The following HSD17B3 variants were observed in gnomAD, a reference collection of about 807,000 sequenced individuals.
HSD17B3 encodes 17-beta-hydroxysteroid dehydrogenase type 3.
Under a neutral mutation model 41.1 loss-of-function variants are expected in HSD17B3, and 29 were observed. The observed-to-expected ratio is 0.71, with a 90% CI of 0.53 to 0.96. HSD17B3 has a LOEUF of 0.96. Ranked by LOEUF, HSD17B3 falls within the 40% of genes least tolerant of loss-of-function variation. The probability of loss-of-function intolerance (pLI) is 0.00; values close to 1 mark genes in which losing one functional copy is unlikely to be tolerated. For synonymous variants in HSD17B3, 126 were observed against 145.6 expected (o/e 0.87, Z 0.97); for missense variants, 323 against 374.6 (o/e 0.86, Z 1.14).
At chr9:96,256,626 G>A (rs911404622) in intron 2 of HSD17B3, among the ~76,000 whole-genome samples, 1 of 152,008 alleles carries the variant, frequency 6.6e-6, no homozygotes, top group Non-Finnish European at 1.5e-5. Flanking sequence ...AGCTGAGATC[G>A]TGCCACTGTA....
intron 2 of HSD17B3, among the ~76,000 whole-genome samples, chr9:96,264,720 T>G (rs1471102086): frequency 2.0e-5 from 3 of 152,206 alleles, no homozygotes; most frequent in Non-Finnish European, 4.4e-5. Context: ...TTGATGGAAG[T>G]AGTATATATG....
chr9:96,235,355 C>T lies in HSD17B3; in HGVS notation c.*105G>A. The T allele has an allele frequency of 5.0e-6, 4 of 794,900 alleles. No individual in the cohort carries two copies. The highest frequency in any genetic ancestry group is 2.7e-5 in the East Asian group (1 of 37,600). 49.2% of individuals were successfully genotyped at this position (794,900 alleles called of 1,614,324 possible). On this transcript the variant is annotated 3_prime_UTR_variant, in exon 11 of 11. Coordinates refer to ENST00000375263, the MANE Select transcript of HSD17B3 (RefSeq NM_000197.2). ...TATGCCTCTGTGACCCCAGCCCCCT[C>T]CATCTTCAGCGGACTAGGTTGAAGT...
chr9:96,249,867 T>C (rs1418655312), intron 5 of HSD17B3, 81 bp from the exon 6 acceptor site: 3 of 1,611,798 alleles, frequency 1.9e-6, no homozygotes, highest in East Asian at 4.5e-5. Flanking sequence ...TAAAGAACCA[T>C]GAAGTGGGCA....
intron 5 of HSD17B3, chr9:96,250,344 T>C (rs1361577202): frequency 9.3e-7 from 1 of 1,076,200 alleles, no homozygotes; most frequent in Non-Finnish European, 1.1e-6. Flanking sequence ...AGAAACAGAG[T>C]GTGGGAGACA....
chr9:96,281,211 C>G (rs1300389059), intron 2 of HSD17B3, among the ~76,000 whole-genome samples: 1 of 152,058 alleles, frequency 6.6e-6, no homozygotes, highest in African/African-American at 2.4e-5. Context: ...TTCCCAAAGC[C>G]TAACTTTGGG....
intron 1 of HSD17B3, among the ~76,000 whole-genome samples, chr9:96,301,333 G>A (rs549013668): frequency 1.5e-4 from 22 of 147,866 alleles, no homozygotes; most frequent in South Asian, 8.6e-4. Flanking sequence ...CATCCCAGCC[G>A]TTGGGGAGGC....
At chr9:96,238,433 A>C (rs1309546291) in intron 10 of HSD17B3, among the ~76,000 whole-genome samples, 3 of 152,114 alleles carry the variant, frequency 2.0e-5, no homozygotes, top group African/African-American at 7.2e-5. Context: ...AGGTCAAGGC[A>C]GGCAGATCAC....
rs769826440 is a variant in HSD17B3 at position 96,247,975 on chromosome 9, T to C, written c.490-1385A>G. 1.7e-4 allele frequency among the ~76,000 whole-genome samples: 26 copies of C among 152,354 alleles called. No homozygotes were observed. The Middle Eastern group carries it at 0.01, about 60-fold the overall frequency. On this transcript the variant is annotated intron_variant, in intron 6 of 10. Coordinates refer to ENST00000375263, the MANE Select transcript of HSD17B3 (RefSeq NM_000197.2). The stretch of plus-strand genomic sequence containing the variant: ...GCGTGGTATACTTAGAAGCTAAACT[T>C]CAATTTATTTTATTTCATACTTAGG...
At position 96,252,655 on chromosome 9, in the gene HSD17B3, G is replaced by A. The variant is rs35920604; in HGVS notation, c.385+148C>T. The A allele has an allele frequency of 6.4e-4, 435 of 675,216 alleles. 3 individuals carry two copies. The highest frequency in any genetic ancestry group is 5.5e-3 in the Middle Eastern group (14 of 2,548). 41.8% of individuals were successfully genotyped at this position (675,216 alleles called of 1,614,324 possible). A position where few individuals can be genotyped will look rare whatever the true frequency, so the allele number is the denominator to read the frequency against. On this transcript the variant is annotated intron_variant, in intron 4 of 10. Coordinates refer to ENST00000375263, the MANE Select transcript of HSD17B3 (RefSeq NM_000197.2). ...ATTCAGTAATGCCTCTAGAAGAAGT[G>A]TGCTTTGATATTCAACTTAATGGGA... is the stretch of plus-strand genomic sequence containing the variant.
chr9:96,254,742 C>A, intron 3 of HSD17B3, 126 bp downstream of exon 3: 1 of 809,602 alleles, frequency 1.2e-6, no homozygotes, highest in South Asian at 1.4e-5. Context: ...CCGGGCTCCC[C>A]AGGAGAGCTG....
rs929840885 is a variant in HSD17B3 at position 96,246,610 on chromosome 9, G to T, written c.490-20C>A. On this transcript the variant is annotated intron_variant, in intron 6 of 10. Transcript: ENST00000375263. ...TGTCATCTACAAGAGAAGGCCAAAG[G>T]TAAGCCCGACAAGGAACTAAGTAGC... 2.5e-6 allele frequency: 4 copies of T among 1,613,446 alleles called. No homozygotes were observed. Among genetic ancestry groups the T allele is most frequent in the African/African-American group, 1.3e-5 (1 of 74,906 alleles).
At chr9:96,239,748 C>A (rs1005467411) in intron 10 of HSD17B3, 9 of 152,174 alleles carry the variant, frequency 5.9e-5, no homozygotes, top group African/African-American at 2.2e-4. Context: ...ATCTAACTTT[C>A]TTTGGTGGGA....
At chr9:96,281,774 A>G (rs1231709804) in intron 2 of HSD17B3, among the ~76,000 whole-genome samples, 1 of 152,166 alleles carries the variant, frequency 6.6e-6, no homozygotes, top group Non-Finnish European at 1.5e-5. Context: ...TTCACTACTG[A>G]CAAGCAGCCA....
intron 10 of HSD17B3, among the ~76,000 whole-genome samples, chr9:96,237,060 C>T (rs757863758): frequency 3.9e-5 from 6 of 152,212 alleles, no homozygotes; most frequent in Admixed American, 3.9e-4. Flanking sequence ...CCACTAGCCA[C>T]GTCGCTGAAT....
At chr9:96,300,999 T>A (rs1188929992) in intron 1 of HSD17B3, among the ~76,000 whole-genome samples, 2 of 152,214 alleles carry the variant, frequency 1.3e-5, no homozygotes, top group Non-Finnish European at 2.9e-5. Flanking sequence ...GGGCTTTTTG[T>A]AAATTTAGAG....
At chr9:96,262,689 T>C (rs1331183047) in intron 2 of HSD17B3, among the ~76,000 whole-genome samples, 1 of 152,212 alleles carries the variant, frequency 6.6e-6, no homozygotes, top group Non-Finnish European at 1.5e-5. Context: ...AATCACGGTT[T>C]TTGCCATCAA....
rs574288368 is a variant in HSD17B3, at chr9:96,262,283, G to A, written c.202-7340C>T. ...TTGTGAGATGGAGTCTTGCTGTGTC[G>A]CCCAGGCTAGAGTGCAGTGGCACAA... is the stretch of plus-strand genomic sequence containing the variant. On this transcript the variant is annotated intron_variant, in intron 2 of 10. Transcript: ENST00000375263. 9.0e-4 allele frequency among the ~76,000 whole-genome samples: 100 copies of A among 111,114 alleles called. 1 individual carries two copies. Among genetic ancestry groups the A allele is most frequent in the Non-Finnish European group, 1.5e-3 (89 of 60,284 alleles). The allele number at this position is 111,114 out of a possible 152,430, so 72.9% of individuals were successfully genotyped here. A position where few individuals can be genotyped will look rare whatever the true frequency, so the allele number is the denominator to read the frequency against.
intron 3 of HSD17B3, 31 bp from the exon 4 acceptor site, chr9:96,252,941 A>G (rs922102242): frequency 3.0e-5 from 42 of 1,391,882 alleles, no homozygotes; most frequent in Non-Finnish European, 3.7e-5. Context: ...TTTTTAATGA[A>G]CAGGGATCCA....
At chr9:96,257,148 G>A (rs945837601) in intron 2 of HSD17B3, among the ~76,000 whole-genome samples, 2 of 152,236 alleles carry the variant, frequency 1.3e-5, no homozygotes, top group African/African-American at 4.8e-5. Context: ...GCAGAACTGT[G>A]AGCCAATTAA....
Sources: gnomAD v4.1 joint callset for allele counts (sites outside exome capture counted in the v4.1 genomes callset) on GRCh38, gnomAD v4.1.1 for gene constraint, MANE v1.5 for transcripts, NCBI Gene and HGNC (gene_info 2026-07-23, HGNC 2026-07-21) for gene names.